ABL1: variants seen among roughly 807,000 people sequenced by gnomAD.
ABL1 encodes the protein tyrosine-protein kinase ABL1.
Under a neutral mutation model 94.7 loss-of-function variants are expected in ABL1, and 11 were observed. That is an observed-to-expected ratio of 0.12 (90% CI 0.07 to 0.19). The LOEUF (loss-of-function observed/expected upper bound fraction) is 0.19, where lower values mean the gene tolerates loss of function less well. Ranked by LOEUF, ABL1 falls within the 10% of genes least tolerant of loss-of-function variation. The pLI is 1.00. For missense variants in ABL1, 1,082 were observed against 1,489.4 expected, an observed-to-expected ratio of 0.73 and a Z score of 4.50; for synonymous variants, 656 against 622.4, an observed-to-expected ratio of 1.05 and a Z score of -0.80.
intron 1 of ABL1, among the ~76,000 whole-genome samples, chr9:130,745,523 G>A (rs1267154751): frequency 2.0e-5 from 3 of 151,390 alleles, no homozygotes; most frequent in Non-Finnish European, 4.4e-5. Flanking sequence ...ATACCTCCTG[G>A]TCTCTCTCTC....
Position 130,854,925 on chromosome 9 carries a change from C to T in ABL1, c.378C>T (p.Ser126=), listed in dbSNP as rs1002305388. ...CAGTCAACAGTCTGGAGAAACACTC[C>T]TGGTACCATGGGCCTGTGTCCCGCA... is the stretch of plus-strand genomic sequence containing the variant. ...ITPVNSLEKH[S]WYHGPVSRNA... The change falls in exon 3 of 11, where the codon TCC becomes TCT. Residue 126 remains serine, a synonymous_variant. Coordinates refer to ENST00000318560, the MANE Select transcript of ABL1 (RefSeq NM_005157.6). 3.1e-6 allele frequency: 5 copies of T among 1,614,102 alleles called. No homozygotes were observed. Among genetic ancestry groups the T allele is most frequent in the Non-Finnish European group, 4.2e-6 (5 of 1,180,052 alleles).
chr9:130,778,486 G>A (rs537698417), intron 1 of ABL1, among the ~76,000 whole-genome samples: 3 of 152,302 alleles, frequency 2.0e-5, no homozygotes, highest in Admixed American at 2.0e-4. Flanking sequence ...TTGGCTGGCT[G>A]CCGCTTCATA....
intron 7 of ABL1, among the ~76,000 whole-genome samples, chr9:130,876,965 C>A (rs1370335180): frequency 1.4e-5 from 2 of 146,872 alleles, no homozygotes; most frequent in African/African-American, 5.2e-5. Context: ...TCTCGATCTC[C>A]GGACTTCGTG....
chr9:130,772,325 G>T (rs942087130), intron 1 of ABL1, among the ~76,000 whole-genome samples: 1 of 152,146 alleles, frequency 6.6e-6, no homozygotes, highest in Non-Finnish European at 1.5e-5. Flanking sequence ...CAATTCCCTT[G>T]CCAAGTATTT....
At chr9:130,812,382 A>G (rs1470012582) in intron 1 of ABL1, among the ~76,000 whole-genome samples, 4 of 151,966 alleles carry the variant, frequency 2.6e-5, no homozygotes, top group Non-Finnish European at 4.4e-5. Flanking sequence ...AATCCTCATT[A>G]AAAGCAGACA....
chr9:130,765,088 G>C (rs1184573016), intron 1 of ABL1, among the ~76,000 whole-genome samples: 2 of 152,154 alleles, frequency 1.3e-5, no homozygotes, highest in Admixed American at 6.5e-5. Context: ...TTGTCAAGAT[G>C]ATTTTTTTGT....
chr9:130,742,521 C>T (rs889059370), intron 1 of ABL1, among the ~76,000 whole-genome samples: 7 of 152,186 alleles, frequency 4.6e-5, no homozygotes, highest in Admixed American at 1.3e-4. Flanking sequence ...CTACCTGTTG[C>T]TGCCATTGAG....
At chr9:130,832,250 G>A (rs1199702080), upstream of ABL1, among the ~76,000 whole-genome samples, 1 of 149,670 alleles carries the variant, frequency 6.7e-6, no homozygotes, top group Non-Finnish European at 1.5e-5. Context: ...AGCCTCCCGA[G>A]TAGCTGGGAT....
chr9:130,885,219 A>T lies in ABL1; in HGVS notation c.2929A>T (p.Ser977Cys). 1 of 1,613,726 alleles carries T rather than the reference A, an allele frequency of 6.2e-7. No individual in the cohort carries two copies. Residue 977 changes from serine (S) to cysteine (C), a missense_variant, in exon 11 of 11, where the codon AGC becomes TGC. Ser to Cys is a moderately radical substitution (Grantham distance 112, BLOSUM62 -1). Around this residue, in one of 7 missense-constraint regions of ABL1, gnomAD observed 780 missense variants for 835.8 expected, o/e 0.93. Coordinates refer to ENST00000318560, the MANE Select transcript of ABL1 (RefSeq NM_005157.6). ...QSAKPSGTPI[S>C]PAPVPSTLPS... Reference sequence around the variant, plus strand: ...CGCCAAGCCGTCGGGGACCCCCATCAGCCCAGCCCCCGTTCCCTCCACGTT... The same window carrying T: ...CGCCAAGCCGTCGGGGACCCCCATCTGCCCAGCCCCCGTTCCCTCCACGTT...
chr9:130,748,033 A>C (rs35191397), intron 1 of ABL1, among the ~76,000 whole-genome samples: 9 of 152,320 alleles, frequency 5.9e-5, no homozygotes, highest in African/African-American at 2.2e-4. Flanking sequence ...GAACGCCAGA[A>C]TTCCTGGTAT....
intron 1 of ABL1, among the ~76,000 whole-genome samples, chr9:130,768,422 C>T (rs988464148): frequency 3.3e-5 from 5 of 152,290 alleles, no homozygotes; most frequent in African/African-American, 9.6e-5. Context: ...AGCTGTGTAT[C>T]CTCAGTCTGA....
chr9:130,760,977 T>TTC, intron 1 of ABL1, among the ~76,000 whole-genome samples: 1 of 112,790 alleles, frequency 8.9e-6, no homozygotes, highest in Non-Finnish European at 1.7e-5. Context: ...AGACGGAGTC[T>TTC]CGCTCTTTCG....
chr9:130,864,269 G>A (rs892270575), intron 4 of ABL1, among the ~76,000 whole-genome samples: 9 of 152,034 alleles, frequency 5.9e-5, no homozygotes, highest in East Asian at 1.9e-4. Context: ...TTTTTGAGAC[G>A]GAGTCTTACT....
chr9:130,791,278 A>G (rs534510870), intron 1 of ABL1, among the ~76,000 whole-genome samples: 4 of 152,358 alleles, frequency 2.6e-5, no homozygotes, highest in Non-Finnish European at 5.9e-5. Context: ...ATAACTGTTG[A>G]TCTAGAATTG....
chr9:130,857,494 T>C (rs1174266761), intron 3 of ABL1, among the ~76,000 whole-genome samples: 3 of 152,188 alleles, frequency 2.0e-5, no homozygotes, highest in African/African-American at 7.2e-5. Context: ...ACCAAGTGTA[T>C]ATGTGTATCT....
chr9:130,750,235 A>ATATATATC (rs1164882700), intron 1 of ABL1, among the ~76,000 whole-genome samples: 1 of 130,366 alleles, frequency 7.7e-6, no homozygotes, highest in Admixed American at 8.0e-5. Context: ...ATATATATAT[A>ATATATATC]TCCAAGTATA....
Position 130,819,245 on chromosome 9 carries a change from G to C in ABL1, c.137-34819G>C, listed in dbSNP as rs112840192. Among the ~76,000 whole-genome samples the C allele has an allele frequency of 1.8e-3, 280 of 152,180 alleles. 3 individuals carry two copies. Among genetic ancestry groups the C allele is most frequent in the African/African-American group, 6.0e-3 (249 of 41,544 alleles). ...CACATGCCTGTAGTCCCAGCTACTC[G>C]GGAGGCTGAGGCAGGAGAATCGCTT... On this transcript the variant is annotated intron_variant, in intron 1 of 10. Coordinates refer to the ABL1 transcript ENST00000372348.
At chr9:130,762,218 A>G (rs1297218698) in intron 1 of ABL1, among the ~76,000 whole-genome samples, 1 of 151,752 alleles carries the variant, frequency 6.6e-6, no homozygotes, top group East Asian at 1.9e-4. Flanking sequence ...CCCCACCCCC[A>G]GAGATAACCA....
intron 6 of ABL1, 85 bp downstream of exon 6, chr9:130,873,122 G>A (rs1422535899): frequency 7.1e-7 from 1 of 1,413,086 alleles, no homozygotes; most frequent in South Asian, 1.4e-5. Flanking sequence ...CAGCCTAGGA[G>A]GTCTCAGGGC....
Sources: gnomAD v4.1 joint callset for allele counts (sites outside exome capture counted in the v4.1 genomes callset) on GRCh38, gnomAD v4.1.1 for gene constraint, gnomAD v4.1.1 regional missense constraint, MANE v1.5 for transcripts, NCBI Gene and HGNC (gene_info 2026-07-23, HGNC 2026-07-21) for gene names.